Variants in KCNMA1 observed in about 807,000 individuals in gnomAD.
KCNMA1 encodes Calcium-activated potassium channel subunit alpha-1.
KCNMA1 carries 29 observed loss-of-function variants against 140.0 expected under a neutral mutation model. That is an observed-to-expected ratio of 0.21 (90% CI 0.15 to 0.28). The LOEUF (loss-of-function observed/expected upper bound fraction) is 0.28, where lower values mean the gene tolerates loss of function less well. Among genes scored for constraint, KCNMA1 ranks in the 10% least tolerant of loss-of-function variants. KCNMA1 has a pLI of 1.00. For synonymous variants in KCNMA1, 612 were observed against 611.9 expected, an observed-to-expected ratio of 1.00 and a Z score of 0.00; for missense variants, 880 against 1,602.2, an observed-to-expected ratio of 0.55 and a Z score of 7.70.
chr10:77,636,789 A>T (rs2093791587), intron 1 of KCNMA1: 1 of 1,453,966 alleles, frequency 6.9e-7, no homozygotes, highest in Non-Finnish European at 9.0e-7. Flanking sequence ...TTCTGACCCC[A>T]CGAACTCATC....
At chr10:77,158,286 A>G (rs375567366) in intron 5 of KCNMA1, among the ~76,000 whole-genome samples, 1 of 152,312 alleles carries the variant, frequency 6.6e-6, no homozygotes, top group Non-Finnish European at 1.5e-5. Flanking sequence ...ATTAAAAGCT[A>G]TAATAGACCC....
At chr10:77,080,036 A>C (rs1032956722) in intron 12 of KCNMA1, among the ~76,000 whole-genome samples, 1 of 152,186 alleles carries the variant, frequency 6.6e-6, no homozygotes, top group Non-Finnish European at 1.5e-5. Flanking sequence ...AATTTGGGGA[A>C]GCCACCATGA....
At chr10:77,305,923 A>G (rs888537833) in intron 2 of KCNMA1, among the ~76,000 whole-genome samples, 3 of 152,178 alleles carry the variant, frequency 2.0e-5, no homozygotes, top group Non-Finnish European at 4.4e-5. Flanking sequence ...ATTTTCTCCC[A>G]CTGATTTCCA....
chr10:77,444,494 T>C (rs2097482855), intron 1 of KCNMA1, among the ~76,000 whole-genome samples: 1 of 152,220 alleles, frequency 6.6e-6, no homozygotes, highest in Non-Finnish European at 1.5e-5. Context: ...TTGAAATTAA[T>C]AATGAAACGA....
At chr10:77,555,479 T>C (rs2064066920) in intron 1 of KCNMA1, among the ~76,000 whole-genome samples, 1 of 152,180 alleles carries the variant, frequency 6.6e-6, no homozygotes, top group South Asian at 2.1e-4. Flanking sequence ...AAAAATTTAC[T>C]AAAATGACAC....
chr10:77,440,160 C>T (rs1029456239), intron 1 of KCNMA1, among the ~76,000 whole-genome samples: 5 of 152,172 alleles, frequency 3.3e-5, no homozygotes, highest in Admixed American at 6.5e-5. Context: ...AAAAAACAAG[C>T]AAATTCTGGC....
At chr10:77,198,323 C>T (rs1441783087) in intron 3 of KCNMA1, among the ~76,000 whole-genome samples, 4 of 152,014 alleles carry the variant, frequency 2.6e-5, no homozygotes, top group East Asian at 1.9e-4. Flanking sequence ...ACCCAACAGT[C>T]GTGAAAGCTC....
chr10:77,180,448 A>G lies in KCNMA1; in HGVS notation c.808+2973T>C, dbSNP rs113541794. 1.2e-3 allele frequency among the ~76,000 whole-genome samples: 182 copies of G among 152,358 alleles called. 1 individual carries two copies. The highest frequency in any genetic ancestry group is 4.2e-3 in the African/African-American group (176 of 41,578). On this transcript the variant is annotated intron_variant, in intron 5 of 27. Coordinates refer to ENST00000286628, the MANE Select transcript of KCNMA1 (RefSeq NM_001161352.2). ...TTCACCCAAGGAGATTTCGCTACCA[A>G]AGAACCTAAAGCATTTCATTAAAGG...
At chr10:77,534,922 T>C (rs7921994) in intron 1 of KCNMA1, among the ~76,000 whole-genome samples, 25,359 of 151,998 alleles carry the variant, frequency 0.17, 2,448 homozygotes, top group Middle Eastern at 0.24. Flanking sequence ...ACCCTGTACC[T>C]CCAACTTATA....
chr10:76,880,553 T>G (rs1489040574), downstream of KCNMA1, among the ~76,000 whole-genome samples: 1 of 152,226 alleles, frequency 6.6e-6, no homozygotes, highest in Admixed American at 6.5e-5. Flanking sequence ...AAATGTCTGG[T>G]GCAAAGGTAT....
chr10:76,877,713 A>C (rs1589339187), downstream of KCNMA1: 3 of 1,547,878 alleles, frequency 1.9e-6, no homozygotes, highest in South Asian at 2.4e-5. Context: ...TCAGGCTTTA[A>C]AAAAATAGTT....
At chr10:76,947,417 C>T (rs1357334736) in intron 22 of KCNMA1, among the ~76,000 whole-genome samples, 1 of 152,052 alleles carries the variant, frequency 6.6e-6, no homozygotes, top group Non-Finnish European at 1.5e-5. Flanking sequence ...AAAACACACA[C>T]ACAAATACCA....
chr10:77,451,147 C>T (rs569232490), intron 1 of KCNMA1, among the ~76,000 whole-genome samples: 2 of 152,312 alleles, frequency 1.3e-5, no homozygotes, highest in African/African-American at 2.4e-5. Context: ...TAATACAAGA[C>T]ACAAGCCCTA....
In KCNMA1 at chr10:77,135,885, A is replaced by C. The variant is rs78519499; in HGVS notation, c.809-14837T>G. On this transcript the variant is annotated intron_variant, in intron 5 of 27. Coordinates refer to ENST00000286628, the MANE Select transcript of KCNMA1 (RefSeq NM_001161352.2). ...TAAATAAGAGAAATAAGTTTAAGAT[A>C]TCTACTGTATTACATGGTGACTATA... Among the ~76,000 whole-genome samples the C allele has an allele frequency of 8.7e-3, 1,324 of 152,312 alleles. 70 individuals are homozygous for C. In the East Asian group the frequency reaches 0.14, roughly 16 times the overall value.
chr10:77,143,238 G>A (rs2098220436), intron 5 of KCNMA1, among the ~76,000 whole-genome samples: 1 of 152,066 alleles, frequency 6.6e-6, no homozygotes, highest in Non-Finnish European at 1.5e-5. Flanking sequence ...CGAGTAAATA[G>A]AGTTTATCCC....
intron 15 of KCNMA1, chr10:77,039,001 TGGCAGTTGTCTATGTGGG>T (rs1413777474): frequency 5.5e-6 from 1 of 182,766 alleles, no homozygotes; most frequent in Non-Finnish European, 1.2e-5. Flanking sequence ...TATTATAACA[TGGCAGTTGTCTATGTGGG>T]GGCTCAAGGC....
intron 3 of KCNMA1, among the ~76,000 whole-genome samples, chr10:77,188,965 A>G (rs1040576388): frequency 5.3e-5 from 8 of 152,096 alleles, no homozygotes; most frequent in Non-Finnish European, 1.2e-4. Context: ...GGTTTCCTGC[A>G]GTCTGTTTTC....
chr10:77,036,097 T>C (rs2094311184), intron 15 of KCNMA1, among the ~76,000 whole-genome samples: 1 of 152,224 alleles, frequency 6.6e-6, no homozygotes, highest in Admixed American at 6.5e-5. Flanking sequence ...ACTAGACTTG[T>C]GAAGTCTTCC....
intron 2 of KCNMA1, among the ~76,000 whole-genome samples, chr10:77,385,894 G>T (rs1397405311): frequency 6.6e-6 from 1 of 152,160 alleles, no homozygotes; most frequent in African/African-American, 2.4e-5. Context: ...CGGGGAGATG[G>T]GACAAATGAG....
Sources: gnomAD v4.1 joint callset for allele counts (sites outside exome capture counted in the v4.1 genomes callset) on GRCh38, gnomAD v4.1.1 for gene constraint, MANE v1.5 for transcripts, NCBI Gene and HGNC (gene_info 2026-07-23, HGNC 2026-07-21) for gene names.